PDZD2: variants seen among roughly 807,000 people sequenced by gnomAD.
The protein encoded by PDZD2 is PDZ domain-containing protein 2.
A neutral mutation model predicts 220.7 loss-of-function variants in PDZD2; 90 were observed. The ratio of observed to expected loss-of-function variants is 0.41; its 90% CI spans 0.34 to 0.49. The LOEUF (loss-of-function observed/expected upper bound fraction) is 0.49. Ranked by LOEUF, PDZD2 falls within the 20% of genes least tolerant of loss-of-function variation. The probability of loss-of-function intolerance (pLI) is 0.28; values close to 1 mark genes in which losing one functional copy is unlikely to be tolerated. For missense variants in PDZD2, 3,174 were observed against 3,608.5 expected (o/e 0.88, Z 3.08); for synonymous variants, 1,375 against 1,450.5 (o/e 0.95, Z 1.18).
intron 2 of PDZD2, among the ~76,000 whole-genome samples, chr5:31,837,016 A>AAAAG (rs5867108): frequency 0.04 from 5,879 of 146,606 alleles, 211 homozygotes; most frequent in East Asian, 0.14. Context: ...AGACTGTCTT[A>AAAAG]AAAGAAAGAA....
intron 1 of PDZD2, among the ~76,000 whole-genome samples, chr5:31,711,650 G>A (rs377181): frequency 0.75 from 114,636 of 152,098 alleles, 43,323 homozygotes; most frequent in East Asian, 0.93. Flanking sequence ...AACTAGCCAC[G>A]CTTCATCGAC....
intron 2 of PDZD2, among the ~76,000 whole-genome samples, chr5:31,820,181 G>T (rs987021835): frequency 3.3e-5 from 5 of 152,216 alleles, no homozygotes; most frequent in African/African-American, 1.2e-4. Context: ...ATGGGGTAAT[G>T]CCAGAGCTCA....
intron 1 of PDZD2, among the ~76,000 whole-genome samples, chr5:31,758,132 C>G (rs1156805083): frequency 1.3e-5 from 2 of 152,230 alleles, no homozygotes; most frequent in South Asian, 4.1e-4. Flanking sequence ...TCAGGTGCCT[C>G]TCTCAGGGCA....
chr5:31,985,192 A>G (rs1289554447), intron 3 of PDZD2, among the ~76,000 whole-genome samples: 1 of 152,138 alleles, frequency 6.6e-6, no homozygotes, highest in East Asian at 1.9e-4. Flanking sequence ...GTTTCTTATC[A>G]GTGCATACCC....
chr5:32,088,800 T>C lies in PDZD2; in HGVS notation c.5352T>C (p.Asp1784=). The change falls in exon 20 of 25, where the codon GAT becomes GAC. Residue 1784 remains aspartate (D), a synonymous_variant. Transcript: ENST00000438447. The surrounding 1 kb of genome is among the most constrained non-coding windows in gnomAD (Gnocchi z 4.6). ...ACATCTCTGAAAGTCAAGACCTGGA[T>C]GACTTGCTACAGAAACCAAAAATGA... ...NLHISESQDL[D]DLLQKPKMIA... 3.7e-6 allele frequency: 6 copies of C among 1,613,980 alleles called. No individual in the cohort carries two copies. Among genetic ancestry groups the C allele is most frequent in the Non-Finnish European group, 5.1e-6 (6 of 1,179,908 alleles).
At chr5:31,818,950 G>C (rs1245033956) in intron 2 of PDZD2, among the ~76,000 whole-genome samples, 2 of 151,988 alleles carry the variant, frequency 1.3e-5, no homozygotes, top group African/African-American at 2.4e-5. Flanking sequence ...GACTGCCTTT[G>C]TTGATTCTTT....
intron 15 of PDZD2, among the ~76,000 whole-genome samples, chr5:32,070,745 C>T (rs544898795): frequency 1.3e-5 from 2 of 152,258 alleles, no homozygotes; most frequent in African/African-American, 2.4e-5. Flanking sequence ...CCTATAATCC[C>T]GGCACTTTGG....
At chr5:31,780,277 C>T (rs190571393) in intron 1 of PDZD2, among the ~76,000 whole-genome samples, 1 of 150,140 alleles carries the variant, frequency 6.7e-6, no homozygotes, top group Non-Finnish European at 1.5e-5. Flanking sequence ...AGGAATCTAT[C>T]CATGGGCTGT....
intron 1 of PDZD2, among the ~76,000 whole-genome samples, chr5:31,689,099 G>A (rs688928): frequency 0.17 from 25,391 of 151,030 alleles, 2,288 homozygotes; most frequent in African/African-American, 0.23. Flanking sequence ...ATAGAGTTTC[G>A]CTCTTGTCAC....
intron 8 of PDZD2, among the ~76,000 whole-genome samples, chr5:32,050,226 C>A (rs940621661): frequency 1.3e-5 from 2 of 152,156 alleles, no homozygotes; most frequent in African/African-American, 4.8e-5. Context: ...CCACCGTGCC[C>A]GGCCTTGTCA....
chr5:31,666,963 G>A (rs42514), intron 1 of PDZD2, among the ~76,000 whole-genome samples: 123,328 of 151,954 alleles, frequency 0.81, 51,855 homozygotes, highest in Non-Finnish European at 0.92. Flanking sequence ...CCAGCCAGGC[G>A]CGGTGGCTCA....
rs1281852634 is a variant in PDZD2, at chr5:32,101,098, G to A, written c.8219-7G>A. The A allele has an allele frequency of 6.2e-7, 1 of 1,614,134 alleles. No homozygotes were observed. On this transcript the variant is annotated splice_region_variant and splice_polypyrimidine_tract_variant and intron_variant, in intron 23 of 24. Transcript: ENST00000438447. ...CATTTTCATCTTGGTGCACGCTGCG[G>A]CTGCAGGGAGAAGTGTGGCTGTACA...
chr5:31,848,832 G>A (rs919151052), intron 2 of PDZD2, among the ~76,000 whole-genome samples: 7 of 151,944 alleles, frequency 4.6e-5, no homozygotes, highest in African/African-American at 1.7e-4. Context: ...GGCAGATCAC[G>A]AGATCAGGAG....
intron 1 of PDZD2, among the ~76,000 whole-genome samples, chr5:31,787,171 C>G (rs1382478691): frequency 3.3e-5 from 5 of 152,188 alleles, no homozygotes; most frequent in Admixed American, 1.3e-4. Context: ...AACACAGAAG[C>G]CCTGACTGTT....
intron 8 of PDZD2, 99 bp from the exon 9 acceptor site, chr5:32,052,512 G>A: frequency 9.3e-7 from 1 of 1,079,780 alleles, no homozygotes; most frequent in Non-Finnish European, 1.4e-6. Flanking sequence ...TAGTACTGAA[G>A]ACATCTAAGA....
intron 2 of PDZD2, among the ~76,000 whole-genome samples, chr5:31,817,198 A>AAC (rs1755520599): frequency 6.6e-6 from 1 of 150,550 alleles, no homozygotes; most frequent in South Asian, 2.1e-4. Flanking sequence ...AAAAAAAAAA[A>AAC]AAAAGCAACA....
intron 2 of PDZD2, among the ~76,000 whole-genome samples, chr5:31,966,698 C>A (rs983679155): frequency 6.6e-6 from 1 of 152,094 alleles, no homozygotes; most frequent in Admixed American, 6.6e-5. Flanking sequence ...TCCTATAAAC[C>A]AAGAGGAAAA....
intron 1 of PDZD2, among the ~76,000 whole-genome samples, chr5:31,662,620 A>G (rs1470710641): frequency 6.6e-6 from 1 of 152,138 alleles, no homozygotes; most frequent in Non-Finnish European, 1.5e-5. Flanking sequence ...GAGGCAAGGC[A>G]GCTCTCTTGG....
At chr5:32,003,329 C>CCCCCACCACACA (rs1561317669) in intron 5 of PDZD2, among the ~76,000 whole-genome samples, 4 of 24,618 alleles carry the variant, frequency 1.6e-4, no homozygotes, top group Non-Finnish European at 4.0e-4. Context: ...ACACACACAC[C>CCCCCACCACACA]CCCACCACAC....
Sources: gnomAD v4.1 joint callset for allele counts (sites outside exome capture counted in the v4.1 genomes callset) on GRCh38, gnomAD v4.1.1 for gene constraint, Gnocchi (gnomAD v3.1) non-coding constraint, MANE v1.5 for transcripts, NCBI Gene and HGNC (gene_info 2026-07-23, HGNC 2026-07-21) for gene names.